Variants in KNL1 observed in about 807,000 individuals in gnomAD.
KNL1 encodes the protein outer kinetochore KNL1 complex subunit KNL1.
A neutral mutation model predicts 201.3 loss-of-function variants in KNL1; 66 were observed. The observed-to-expected ratio is 0.33, with a 90% CI of 0.27 to 0.40. The LOEUF is 0.40. Ranked by LOEUF, KNL1 falls within the 10% of genes least tolerant of loss-of-function variation. The probability of loss-of-function intolerance (pLI) is 1.00; values close to 1 mark genes in which losing one functional copy is unlikely to be tolerated. For synonymous variants in KNL1, 895 were observed against 899.2 expected, an observed-to-expected ratio of 1.00 and a Z score of 0.08; for missense variants, 2,815 against 2,690.5, an observed-to-expected ratio of 1.05 and a Z score of -1.02.
chr15:40,601,136 TGTCGGATCAGCA>T (rs939619979), intron 1 of KNL1, among the ~76,000 whole-genome samples: 1 of 152,244 alleles, frequency 6.6e-6, no homozygotes, highest in African/African-American at 2.4e-5. Flanking sequence ...CTCCGCCTTC[TGTCGGATCAGCA>T]GTGGCATTTG....
intron 3 of KNL1, among the ~76,000 whole-genome samples, chr15:40,605,811 G>A (rs1372793418): frequency 6.6e-6 from 1 of 152,150 alleles, no homozygotes; most frequent in African/African-American, 2.4e-5. Context: ...CGAAGGGATG[G>A]CTTTAGGCAC....
chr15:40,627,344 C>T (rs549470141), intron 10 of KNL1, among the ~76,000 whole-genome samples: 3 of 152,180 alleles, frequency 2.0e-5, no homozygotes, highest in East Asian at 1.9e-4. Flanking sequence ...GAAACCCTGT[C>T]TCTACTAAAA....
chr15:40,664,334 T>C lies in KNL1; in HGVS notation c.*2146T>C, dbSNP rs1471493152. 5.9e-6 allele frequency: 1 copy of C among 170,010 alleles called. No individual in the cohort carries two copies. The highest frequency in any genetic ancestry group is 2.4e-5 in the African/African-American group (1 of 42,182). 10.5% of individuals were successfully genotyped at this position (170,010 alleles called of 1,614,324 possible). On this transcript the variant is annotated 3_prime_UTR_variant, in exon 26 of 26. Transcript: ENST00000399668. ...TTTTGCACTATTAAAATAAGTTTAT[T>C]ACTTTAAATCTTTTGTGAGTAGTGT...
At chr15:40,659,892 TTATGTGTGTGTGTGTG>T (rs1344307891) in intron 25 of KNL1, among the ~76,000 whole-genome samples, 10 of 120,186 alleles carry the variant, frequency 8.3e-5, no homozygotes, top group Admixed American at 8.1e-4. Flanking sequence ...TTTGAAGAAT[TTATGTGTGTGTGTGTG>T]TGTGTGTGTG....
At chr15:40,653,925 C>T (rs1378452593) in intron 21 of KNL1, among the ~76,000 whole-genome samples, 1 of 152,194 alleles carries the variant, frequency 6.6e-6, no homozygotes, top group Non-Finnish European at 1.5e-5. Context: ...GAGCTCAGCT[C>T]TCAGTGATCA....
At chr15:40,631,695 G>A (rs1892915655) in intron 13 of KNL1, among the ~76,000 whole-genome samples, 1 of 152,012 alleles carries the variant, frequency 6.6e-6, no homozygotes, top group Admixed American at 6.6e-5. Flanking sequence ...TAATGAAATA[G>A]AAAACAAAAA....
rs1257649956 is a variant in KNL1, at chr15:40,618,982, C to T, written c.346C>T (p.Pro116Ser). ...AGGGATGAACACATTGCTTTCTGCT[C>T]CCATTCATACCCAGATGCAACAGAA... ...ITGMNTLLSA[P>S]IHTQMQQKEF... The change falls in exon 9 of 26, where the codon CCC becomes TCC. Residue 116 changes from proline (P) to serine (S), a missense_variant. Physicochemically the swap from Pro to Ser is moderately conservative, Grantham distance 74. Transcript: ENST00000399668. 3 of 1,606,620 alleles carry T rather than the reference C, an allele frequency of 1.9e-6. No individual in the cohort carries two copies. The highest frequency in any genetic ancestry group is 1.3e-5 in the African/African-American group (1 of 74,864).
chr15:40,600,235 C>T (rs180930748), intron 1 of KNL1, among the ~76,000 whole-genome samples: 3 of 152,134 alleles, frequency 2.0e-5, no homozygotes, highest in South Asian at 2.1e-4. Flanking sequence ...ACCACCATGT[C>T]GACTAGTTTT....
rs1892836911 is a variant in KNL1 at position 40,629,312 on chromosome 15, A to G, written c.5623A>G (p.Ile1875Val). Reference sequence around the variant, plus strand: ...GAGAATAACAATAAGGGAGTTCTTTATACTTCTCCAGGTCCACATCTTGAT... The same window carrying G: ...GAGAATAACAATAAGGGAGTTCTTTGTACTTCTCCAGGTCCACATCTTGAT... ...DGRITIREFF[I>V]LLQVHILIQK... The change falls in exon 13 of 26, where the codon ATA (isoleucine) becomes GTA (valine). Residue 1875 changes from isoleucine (I) to valine (V), a missense_variant. Around this residue, in one of 3 missense-constraint regions of KNL1, gnomAD observed 2,464 missense variants for 2,291.7 expected, o/e 1.08. Coordinates refer to ENST00000399668, the MANE Select transcript of KNL1 (RefSeq NM_144508.5). 1 of 1,603,938 alleles carries G rather than the reference A, an allele frequency of 6.2e-7. No individual in the cohort carries two copies. The highest frequency in any genetic ancestry group is 8.5e-7 in the Non-Finnish European group (1 of 1,177,852).
chr15:40,597,529 C>G (rs999443402), intron 1 of KNL1, among the ~76,000 whole-genome samples: 1 of 152,162 alleles, frequency 6.6e-6, no homozygotes, highest in African/African-American at 2.4e-5. Flanking sequence ...CCCACCTCGG[C>G]CTCCCAAAGT....
At chr15:40,661,146 G>A (rs1893896487) in intron 25 of KNL1, among the ~76,000 whole-genome samples, 1 of 152,012 alleles carries the variant, frequency 6.6e-6, no homozygotes, top group African/African-American at 2.4e-5. Context: ...GGCCAAGGTG[G>A]GCAGATCACT....
chr15:40,657,133 C>G lies in KNL1; in HGVS notation c.6576C>G (p.Thr2192=). The part of the protein sequence containing the change: ...EKESWKKTCT[T]QHQLPKMLEE... ...AATCCTGGAAGAAGACATGTACAAC[C>G]CAGCATCAGTTACCCAAGGTAAAGC... Residue 2192 remains threonine, a synonymous_variant, in exon 23 of 26, where the codon ACC becomes ACG. Coordinates refer to ENST00000399668, the MANE Select transcript of KNL1 (RefSeq NM_144508.5). 6.3e-7 allele frequency: 1 copy of G among 1,597,866 alleles called. No homozygotes were observed. The highest frequency in any genetic ancestry group is 8.5e-7 in the Non-Finnish European group (1 of 1,170,746).
intron 2 of KNL1, among the ~76,000 whole-genome samples, chr15:40,603,986 C>T (rs952966493): frequency 2.0e-5 from 3 of 152,184 alleles, no homozygotes. Context: ...ACAAGGCACC[C>T]TGGTGGGAGT....
intron 1 of KNL1, among the ~76,000 whole-genome samples, chr15:40,602,121 C>T (rs1307501205): frequency 6.6e-6 from 1 of 151,538 alleles, no homozygotes; most frequent in Admixed American, 6.6e-5. Flanking sequence ...GCTCCGCCTC[C>T]CGGGTTCACG....
intron 13 of KNL1, among the ~76,000 whole-genome samples, chr15:40,635,274 G>A (rs1172579781): frequency 2.6e-5 from 4 of 151,556 alleles, no homozygotes; most frequent in Non-Finnish European, 5.9e-5. Flanking sequence ...GGATGGTCTC[G>A]ATCTCCTGAC....
chr15:40,650,501 C>A, intron 18 of KNL1, 43 bp from the exon 19 acceptor site: 1 of 1,542,172 alleles, frequency 6.5e-7, no homozygotes, highest in South Asian at 1.2e-5. Context: ...TGGCAACATT[C>A]TAATATGTTT....
Position 40,623,610 on chromosome 15 carries a change from A to G in KNL1, c.3346A>G (p.Thr1116Ala), listed in dbSNP as rs1036574282. The G allele has an allele frequency of 1.2e-6, 2 of 1,613,662 alleles. No homozygotes were observed. The highest frequency in any genetic ancestry group is 1.7e-6 in the Non-Finnish European group (2 of 1,179,876). Residue 1116 changes from threonine (T) to alanine (A), a missense_variant, in exon 10 of 26, where the codon ACT becomes GCT. Around this residue, in one of 3 missense-constraint regions of KNL1, gnomAD observed 2,464 missense variants for 2,291.7 expected, o/e 1.08. Coordinates refer to ENST00000399668, the MANE Select transcript of KNL1 (RefSeq NM_144508.5). ...CTTCCATTTGGCAGGGGCTTCTAAA[A>G]CTATTTTGTATTCATGTGGGCAGGA... Reference protein sequence around the residue: ...EDFHLAGASKTILYSCGQDDM... With the variant: ...EDFHLAGASKAILYSCGQDDM...
intron 22 of KNL1, among the ~76,000 whole-genome samples, chr15:40,655,630 A>G (rs930522797): frequency 6.8e-6 from 1 of 147,042 alleles, no homozygotes; most frequent in Non-Finnish European, 1.5e-5. Context: ...AAAAATTATT[A>G]CATGCCGGGC....
chr15:40,608,995 TC>T, intron 5 of KNL1, 87 bp downstream of exon 5: 1 of 827,018 alleles, frequency 1.2e-6, no homozygotes, highest in Non-Finnish European at 2.0e-6. Flanking sequence ...ACTTGAATAA[TC>T]TGTTTTGATT....
Sources: gnomAD v4.1 joint callset for allele counts (sites outside exome capture counted in the v4.1 genomes callset) on GRCh38, gnomAD v4.1.1 for gene constraint, gnomAD v4.1.1 regional missense constraint, MANE v1.5 for transcripts, NCBI Gene and HGNC (gene_info 2026-07-23, HGNC 2026-07-21) for gene names.